The following SLC12A5 variants were observed in gnomAD, a reference collection of about 807,000 sequenced individuals.
SLC12A5 encodes the protein K-Cl cotransporter 2.
A neutral mutation model predicts 124.0 loss-of-function variants in SLC12A5; 18 were observed. The observed-to-expected ratio is 0.15, with a 90% CI of 0.10 to 0.22. The LOEUF (loss-of-function observed/expected upper bound fraction) is 0.22, where lower values mean the gene tolerates loss of function less well. Ranked by LOEUF, SLC12A5 falls within the 10% of genes least tolerant of loss-of-function variation. The pLI, the probability that SLC12A5 is intolerant of heterozygous loss-of-function variation, is 1.00. For missense variants in SLC12A5, 867 were observed against 1,478.7 expected (o/e 0.59, Z 6.78); for synonymous variants, 589 against 568.0 (o/e 1.04, Z -0.53).
At chr20:46,054,210 A>G (rs1033945506) in intron 20 of SLC12A5, among the ~76,000 whole-genome samples, 1 of 152,234 alleles carries the variant, frequency 6.6e-6, no homozygotes, top group African/African-American at 2.4e-5. Context: ...ACTGTAGGCA[A>G]TGGCAACACA....
chr20:46,024,329 G>A (rs891543511), upstream of SLC12A5, among the ~76,000 whole-genome samples: 1 of 152,170 alleles, frequency 6.6e-6, no homozygotes, highest in East Asian at 1.9e-4. Context: ...GTGTGCAGGA[G>A]TGTATTGGAA....
intron 1 of SLC12A5, chr20:46,021,984 G>GGTGGGGCCAGGGAAGGGGTTTGGACGGA: frequency 1.5e-6 from 2 of 1,308,900 alleles, no homozygotes; most frequent in South Asian, 3.3e-5. Flanking sequence ...CCAAGACCGG[G>GGTGGGGCCAGGGAAGGGGTTTGGACGGA]GGCGGGGAGG....
chr20:46,025,552 G>A (rs536141691), upstream of SLC12A5, among the ~76,000 whole-genome samples: 1 of 152,024 alleles, frequency 6.6e-6, no homozygotes, highest in Non-Finnish European at 1.5e-5. Flanking sequence ...GGTGGGGATC[G>A]GGGGGTGAGT....
At position 46,057,561 on chromosome 20, in the gene SLC12A5, C is replaced by T. The variant is rs780651513; in HGVS notation, c.3307C>T (p.Leu1103=). Residue 1103 remains leucine, a synonymous_variant, in exon 26 of 26, where the codon CTG becomes TTG. Coordinates refer to ENST00000243964, the MANE Select transcript of SLC12A5 (RefSeq NM_020708.5). This position sits in a 1 kb window ranked among gnomAD's most constrained non-coding sequence, Gnocchi z 7.1. ...VLTEHLDRVM[L]VRGGGREVIT... ...CACAGAGCACCTGGACCGGGTGATG[C>T]TGGTCCGCGGCGGCGGCCGCGAGGT... 3.1e-6 allele frequency: 5 copies of T among 1,614,110 alleles called. No homozygotes were observed. Among genetic ancestry groups the T allele is most frequent in the Non-Finnish European group, 4.2e-6 (5 of 1,179,984 alleles).
At chr20:46,037,430 C>T in intron 6 of SLC12A5, 45 bp downstream of exon 6, 20 of 1,568,818 alleles carry the variant, frequency 1.3e-5, no homozygotes, top group Non-Finnish European at 1.7e-5. Flanking sequence ...GGTTGTCAGT[C>T]AGTTAATCAG....
intron 15 of SLC12A5, 107 bp downstream of exon 15, chr20:46,047,680 A>G: frequency 7.1e-7 from 1 of 1,399,410 alleles, no homozygotes; most frequent in South Asian, 1.3e-5. Flanking sequence ...GAGATGAAGC[A>G]GGGAGTGGGA....
In SLC12A5 at chr20:46,056,019, AGCAATATTTTAACAACTGGTAC is replaced by A; in HGVS notation, c.2788-130_2788-109del. 7.7e-7 allele frequency: 1 copy of A among 1,301,764 alleles called. No individual in the cohort carries two copies. The allele number at this position is 1,301,764 out of a possible 1,614,324, so 80.6% of individuals were successfully genotyped here. A position where few individuals can be genotyped will look rare whatever the true frequency, so the allele number is the denominator to read the frequency against. On this transcript the variant is annotated intron_variant, in intron 21 of 25. Coordinates refer to ENST00000243964, the MANE Select transcript of SLC12A5 (RefSeq NM_020708.5). The surrounding 1 kb of genome is among the most constrained non-coding windows in gnomAD (Gnocchi z 4.3). ...CAGTAGCTATTTGGTCTCAAATCAT[AGCAATATTTTAACAACTGGTAC>A]AGTTCCAGAAAGTGCATCCTGGCTG...
At chr20:46,032,470 C>T (rs902804328) in intron 1 of SLC12A5, among the ~76,000 whole-genome samples, 7 of 152,306 alleles carry the variant, frequency 4.6e-5, no homozygotes, top group Middle Eastern at 3.4e-3. Context: ...TGGGGAGCCC[C>T]GGCTGGGTGG....
At chr20:46,046,579 A>G (rs914114670) in intron 14 of SLC12A5, 143 bp downstream of exon 14, 2 of 665,920 alleles carry the variant, frequency 3.0e-6, no homozygotes. Context: ...TTGTTGACCA[A>G]CTCACATGAG....
chr20:46,024,472 T>C (rs2084380279), upstream of SLC12A5, among the ~76,000 whole-genome samples: 1 of 152,202 alleles, frequency 6.6e-6, no homozygotes, highest in African/African-American at 2.4e-5. Flanking sequence ...CATCTGCTGG[T>C]ATCTTTCCCA....
At chr20:46,032,968 G>A (rs1244130777) in intron 1 of SLC12A5, among the ~76,000 whole-genome samples, 1 of 152,156 alleles carries the variant, frequency 6.6e-6, no homozygotes, top group Non-Finnish European at 1.5e-5. Flanking sequence ...TTATTCCCAG[G>A]AACTCACATA....
At chr20:46,055,960 C>G in intron 21 of SLC12A5, 190 bp from the exon 22 acceptor site, 1 of 727,810 alleles carries the variant, frequency 1.4e-6, no homozygotes, top group Non-Finnish European at 2.2e-6. Context: ...GTCTGGGGTT[C>G]TGGAGAGGAG....
intron 8 of SLC12A5, among the ~76,000 whole-genome samples, chr20:46,041,929 G>GGA (rs200126228): frequency 4.6e-5 from 7 of 152,172 alleles, no homozygotes; most frequent in Non-Finnish European, 7.3e-5. Context: ...GAATGCCCGG[G>GGA]GGGGGAGAGT....
Position 46,043,230 on chromosome 20 carries a change from G to T in SLC12A5, c.1144G>T (p.Gly382Cys), listed in dbSNP as rs1450320682. Residue 382 changes from glycine to cysteine, a missense_variant, in exon 9 of 26, where the codon GGC becomes TGC. Coordinates refer to ENST00000243964, the MANE Select transcript of SLC12A5 (RefSeq NM_020708.5). ...SGMTSVGLAD[G>C]TPIDMDHPYV... is the part of the protein sequence containing the mutation. Reference sequence around the variant, plus strand: ...GATGACCTCGGTGGGCCTGGCCGATGGCACTCCTATCGACATGGACCACCC... The same window carrying T: ...GATGACCTCGGTGGGCCTGGCCGATTGCACTCCTATCGACATGGACCACCC... 6.2e-7 allele frequency: 1 copy of T among 1,613,924 alleles called. No individual in the cohort carries two copies.
intron 1 of SLC12A5, among the ~76,000 whole-genome samples, chr20:46,034,632 C>T (rs1264387459): frequency 6.6e-6 from 1 of 152,090 alleles, no homozygotes; most frequent in Non-Finnish European, 1.5e-5. Context: ...ATGCCTCCAC[C>T]CCAAACACCG....
chr20:46,039,787 A>G (rs531283254), intron 6 of SLC12A5, among the ~76,000 whole-genome samples: 2 of 151,762 alleles, frequency 1.3e-5, no homozygotes, highest in East Asian at 3.9e-4. Context: ...AAAAAAAAAC[A>G]AAAAAACCAC....
intron 10 of SLC12A5, 34 bp downstream of exon 10, chr20:46,043,765 G>A (rs1026425065): frequency 3.7e-6 from 6 of 1,613,742 alleles, no homozygotes; most frequent in African/African-American, 1.3e-5. Flanking sequence ...ACCACCCTCG[G>A]GGGAGGGCAA....
intron 1 of SLC12A5, among the ~76,000 whole-genome samples, chr20:46,030,965 G>C (rs554616067): frequency 7.9e-5 from 12 of 152,256 alleles, no homozygotes; most frequent in East Asian, 3.9e-4. Context: ...CTGGCCGGAG[G>C]GGGAGGGGGT....
At position 46,053,146 on chromosome 20, in the gene SLC12A5, G is replaced by A; in HGVS notation, c.2547+20G>A. 1 of 1,597,888 alleles carries A rather than the reference G, an allele frequency of 6.3e-7. No homozygotes were observed. The highest frequency in any genetic ancestry group is 8.6e-7 in the Non-Finnish European group (1 of 1,166,494). ...CACAAGGTGAGTTGTGTGCGTGAGT[G>A]TATGCACGTGTGAGTGTGTGTATGC... On this transcript the variant is annotated intron_variant, in intron 19 of 25. Transcript: ENST00000243964. The surrounding 1 kb of genome is among the most constrained non-coding windows in gnomAD (Gnocchi z 4.7).
Sources: allele counts gnomAD v4.1 joint callset (sites outside exome capture counted in the v4.1 genomes callset), GRCh38; gene constraint gnomAD v4.1.1; non-coding constraint Gnocchi (gnomAD v3.1); transcripts MANE v1.5; gene names NCBI Gene and HGNC (gene_info 2026-07-23, HGNC 2026-07-21).